Variants in XYLB observed in about 807,000 individuals in gnomAD.
The protein encoded by XYLB is xylulokinase, also known as xylulose kinase.
In XYLB, 62 loss-of-function variants were observed where a neutral mutation model predicts 78.7. That is an observed-to-expected ratio of 0.79 (90% CI 0.64 to 0.97). The LOEUF (loss-of-function observed/expected upper bound fraction) is 0.97, where lower values mean the gene tolerates loss of function less well. XYLB is among the 50% of genes least tolerant of loss of function. XYLB has a pLI of 0.00. For missense variants in XYLB, 687 were observed against 676.8 expected, an observed-to-expected ratio of 1.02 and a Z score of -0.17; for synonymous variants, 245 against 247.4, an observed-to-expected ratio of 0.99 and a Z score of 0.09.
chr3:38,396,931 A>G (rs942174946), intron 16 of XYLB, 141 bp from the exon 17 acceptor site: 7 of 802,936 alleles, frequency 8.7e-6, no homozygotes, highest in Admixed American at 6.3e-5. Flanking sequence ...ATGACCAAGC[A>G]TACTCCTCTT....
intron 15 of XYLB, among the ~76,000 whole-genome samples, chr3:38,390,586 G>A (rs1707607008): frequency 6.6e-6 from 1 of 152,110 alleles, no homozygotes; most frequent in Non-Finnish European, 1.5e-5. Flanking sequence ...ACAGTGGTGT[G>A]ATCACGGCTC....
the XYLB span, among the ~76,000 whole-genome samples, chr3:38,444,236 G>A: frequency 6.6e-6 from 1 of 152,146 alleles, no homozygotes; most frequent in Non-Finnish European, 1.5e-5. Context: ...AAATCAGAGA[G>A]GGAGAAGGGG....
intron 18 of XYLB, among the ~76,000 whole-genome samples, chr3:38,410,579 C>G (rs1708534133): frequency 6.6e-6 from 1 of 152,176 alleles, no homozygotes; most frequent in Non-Finnish European, 1.5e-5. Flanking sequence ...AACGAAACTA[C>G]CATCAGAGCG....
chr3:38,408,571 C>A (rs560382284), intron 18 of XYLB, among the ~76,000 whole-genome samples: 13 of 151,360 alleles, frequency 8.6e-5, no homozygotes, highest in Non-Finnish European at 1.8e-4. Flanking sequence ...ACAAAAAAAC[C>A]CTTCAAAAAA....
chr3:38,403,187 G>A lies in XYLB; in HGVS notation c.1533+2202G>A, dbSNP rs1279025808. Among the ~76,000 whole-genome samples, 3 of 151,730 alleles carry A rather than the reference G, an allele frequency of 2.0e-5. No individual in the cohort carries two copies. The East Asian group carries it at 5.8e-4, about 29-fold the overall frequency. On this transcript the variant is annotated intron_variant, in intron 18 of 18. Transcript: ENST00000207870. The stretch of plus-strand genomic sequence containing the variant: ...TATGTGCCTGTAATCCCAGCTACTC[G>A]GGAGGCTGAGGTGGGAGGATTACTT...
the XYLB span, among the ~76,000 whole-genome samples, chr3:38,450,681 T>G: frequency 1.3e-5 from 2 of 152,210 alleles, no homozygotes; most frequent in African/African-American, 4.8e-5. Flanking sequence ...AAATATCCAT[T>G]ATCACCTTTC....
intron 9 of XYLB, among the ~76,000 whole-genome samples, chr3:38,371,023 G>A (rs965208516): frequency 3.3e-5 from 5 of 152,212 alleles, no homozygotes; most frequent in African/African-American, 1.2e-4. Flanking sequence ...CTGAGGCCTG[G>A]AGGGAGTCGT....
At chr3:38,371,851 T>C (rs1706582551) in intron 9 of XYLB, among the ~76,000 whole-genome samples, 1 of 152,202 alleles carries the variant, frequency 6.6e-6, no homozygotes, top group Non-Finnish European at 1.5e-5. Context: ...CACAGCTTTC[T>C]GACCCGCTTT....
intron 1 of XYLB, among the ~76,000 whole-genome samples, chr3:38,347,457 C>A (rs1309897390): frequency 6.6e-6 from 1 of 152,166 alleles, no homozygotes; most frequent in East Asian, 1.9e-4. Flanking sequence ...GCGAGTGGAT[C>A]GCTTGAGCCC....
chr3:38,423,886 C>T (rs955292026), downstream of XYLB, among the ~76,000 whole-genome samples: 1 of 152,140 alleles, frequency 6.6e-6, no homozygotes, highest in Non-Finnish European at 1.5e-5. Context: ...ACTTGGGGAC[C>T]TTAGTAAATG....
At chr3:38,409,310 GA>G in intron 18 of XYLB, among the ~76,000 whole-genome samples, 1 of 152,316 alleles carries the variant, frequency 6.6e-6, no homozygotes, top group Non-Finnish European at 1.5e-5. Context: ...AATAGATGCA[GA>G]AAAGGCCTTT....
intron 2 of XYLB, among the ~76,000 whole-genome samples, chr3:38,358,336 TG>T (rs1705783220): frequency 1.3e-5 from 1 of 75,794 alleles, no homozygotes; most frequent in African/African-American, 3.5e-5. Flanking sequence ...TGTGTGTGTG[TG>T]TGTGTGTGTG....
chr3:38,365,359 T>A, intron 5 of XYLB, 74 bp downstream of exon 5: 5 of 1,516,838 alleles, frequency 3.3e-6, no homozygotes, highest in Non-Finnish European at 4.6e-6. Context: ...TGAAGCCTGC[T>A]CATCTCAGTG....
chr3:38,362,714 A>G (rs1706039603), intron 3 of XYLB, among the ~76,000 whole-genome samples: 1 of 152,228 alleles, frequency 6.6e-6, no homozygotes, highest in Non-Finnish European at 1.5e-5. Context: ...TTATGATTCC[A>G]TTTATTTAAA....
chr3:38,437,868 G>A, the XYLB span, among the ~76,000 whole-genome samples: 1 of 152,130 alleles, frequency 6.6e-6, no homozygotes, highest in Non-Finnish European at 1.5e-5. Context: ...TCAGGAGATA[G>A]AGACCACCCT....
chr3:38,410,071 G>A (rs533234967), intron 18 of XYLB, among the ~76,000 whole-genome samples: 27 of 152,172 alleles, frequency 1.8e-4, no homozygotes, highest in South Asian at 4.2e-4. Context: ...AGCCCGCATC[G>A]CCAAGTCAAT....
At chr3:38,392,325 T>C (rs552873834) in intron 15 of XYLB, among the ~76,000 whole-genome samples, 1 of 152,282 alleles carries the variant, frequency 6.6e-6, no homozygotes, top group South Asian at 2.1e-4. Context: ...TGAGATGGAG[T>C]TTCGCTCTTT....
At chr3:38,366,110 T>TAAA (rs60182601) in intron 6 of XYLB, among the ~76,000 whole-genome samples, 1 of 138,744 alleles carries the variant, frequency 7.2e-6, no homozygotes, top group African/African-American at 2.6e-5. Context: ...CTGGCAATGT[T>TAAA]AAAAAAAAAA....
chr3:38,376,838 G>A (rs1706881805), intron 13 of XYLB, 80 bp from the exon 14 acceptor site: 1 of 1,259,744 alleles, frequency 7.9e-7, no homozygotes, highest in Admixed American at 1.8e-5. Context: ...GGGTCATTTT[G>A]TCCTGTTCTA....
Sources: allele counts gnomAD v4.1 joint callset (sites outside exome capture counted in the v4.1 genomes callset), GRCh38; gene constraint gnomAD v4.1.1; transcripts MANE v1.5; gene names NCBI Gene and HGNC (gene_info 2026-07-23, HGNC 2026-07-21).